The following RAPGEF1 variants were observed in gnomAD, a reference collection of about 807,000 sequenced individuals.
RAPGEF1 encodes the protein Rap guanine nucleotide exchange factor 1.
A neutral mutation model predicts 143.3 loss-of-function variants in RAPGEF1; 33 were observed. That is an observed-to-expected ratio of 0.23 (90% CI 0.17 to 0.31). The LOEUF (loss-of-function observed/expected upper bound fraction) is 0.31, where lower values mean the gene tolerates loss of function less well. Among genes scored for constraint, RAPGEF1 ranks in the 10% least tolerant of loss-of-function variants. The pLI, the probability that RAPGEF1 is intolerant of heterozygous loss-of-function variation, is 1.00. For synonymous variants in RAPGEF1, 629 were observed against 676.5 expected, an observed-to-expected ratio of 0.93 and a Z score of 1.09; for missense variants, 1,199 against 1,645.4, an observed-to-expected ratio of 0.73 and a Z score of 4.69.
At chr9:131,733,365 CGGG>C (rs56890673) in intron 1 of RAPGEF1, among the ~76,000 whole-genome samples, 1 of 75,286 alleles carries the variant, frequency 1.3e-5, no homozygotes, top group Non-Finnish European at 2.6e-5. Context: ...GGGGCGGGGG[CGGG>C]GGGGGGGGTG....
intron 4 of RAPGEF1, among the ~76,000 whole-genome samples, chr9:131,639,471 A>T (rs1003686953): frequency 3.0e-5 from 4 of 135,438 alleles, no homozygotes; most frequent in South Asian, 2.4e-4. Context: ...TGTGTGTGAG[A>T]GAGAGACCAC....
intron 3 of RAPGEF1, among the ~76,000 whole-genome samples, chr9:131,648,895 C>T (rs1032166344): frequency 4.6e-5 from 7 of 152,308 alleles, no homozygotes; most frequent in South Asian, 4.1e-4. Context: ...AAATAACAGG[C>T]TAGTGTTTAC....
At chr9:131,739,026 G>A (rs1413675147) in intron 1 of RAPGEF1, among the ~76,000 whole-genome samples, 1 of 152,204 alleles carries the variant, frequency 6.6e-6, no homozygotes. Flanking sequence ...TGCCCTGCAA[G>A]GTGCTGCAGG....
At chr9:131,601,596 T>C (rs1418997228) in intron 15 of RAPGEF1, among the ~76,000 whole-genome samples, 3 of 152,170 alleles carry the variant, frequency 2.0e-5, no homozygotes, top group South Asian at 2.1e-4. Flanking sequence ...GAGCTTGTAT[T>C]ATTTGAGAAT....
At chr9:131,689,549 T>A (rs1219948138) in intron 1 of RAPGEF1, among the ~76,000 whole-genome samples, 1 of 152,190 alleles carries the variant, frequency 6.6e-6, no homozygotes, top group Non-Finnish European at 1.5e-5. Flanking sequence ...ATTTTTTTTT[T>A]TTTTCCAGAG....
chr9:131,651,127 T>C (rs1366443551), intron 1 of RAPGEF1, among the ~76,000 whole-genome samples, 178 bp from the exon 2 acceptor site: 1 of 152,218 alleles, frequency 6.6e-6, no homozygotes, highest in Non-Finnish European at 1.5e-5. Context: ...GCTTCAATTT[T>C]TGCAATTTTC....
At chr9:131,718,825 G>A (rs993051522) in intron 1 of RAPGEF1, among the ~76,000 whole-genome samples, 1 of 152,154 alleles carries the variant, frequency 6.6e-6, no homozygotes, top group African/African-American at 2.4e-5. Context: ...TAGCTAGCTG[G>A]CTTAGTGCCA....
At chr9:131,717,174 G>T (rs1835921518) in intron 1 of RAPGEF1, among the ~76,000 whole-genome samples, 1 of 152,222 alleles carries the variant, frequency 6.6e-6, no homozygotes, top group African/African-American at 2.4e-5. Flanking sequence ...TCCAGGCTGT[G>T]ATGCCTCTGC....
intron 1 of RAPGEF1, among the ~76,000 whole-genome samples, chr9:131,716,939 G>A (rs895303197): frequency 2.6e-5 from 4 of 152,172 alleles, no homozygotes; most frequent in Middle Eastern, 3.4e-3. Flanking sequence ...GTGCATAGCC[G>A]TGCACCTGCC....
chr9:131,657,110 T>C (rs1003328443), intron 1 of RAPGEF1, among the ~76,000 whole-genome samples: 17 of 152,230 alleles, frequency 1.1e-4, no homozygotes, highest in East Asian at 3.9e-4. Flanking sequence ...CTCAAGGTCA[T>C]TCACACTATG....
intron 1 of RAPGEF1, among the ~76,000 whole-genome samples, chr9:131,713,137 G>A (rs1195278624): frequency 6.6e-6 from 1 of 151,718 alleles, no homozygotes; most frequent in East Asian, 1.9e-4. Flanking sequence ...AGAAGCAGAA[G>A]GCTGACTGCA....
At position 131,649,781 on chromosome 9, in the gene RAPGEF1, TA is replaced by T. The variant is rs549180530; in HGVS notation, c.315+347del. Among the ~76,000 whole-genome samples the T allele has an allele frequency of 1.9e-3, 285 of 152,304 alleles. 1 individual carries two copies. The highest frequency in any genetic ancestry group is 6.2e-3 in the African/African-American group (256 of 41,560). ...GAGGCTTCAGAAGCCTTTTCCCTTC[TA>T]AACTATTCAGATCATCTTAGCAATT... On this transcript the variant is annotated intron_variant, in intron 3 of 26. Coordinates refer to ENST00000683357, the MANE Select transcript of RAPGEF1 (RefSeq NM_001377935.1).
At chr9:131,682,532 G>T (rs1275610532) in intron 1 of RAPGEF1, among the ~76,000 whole-genome samples, 1 of 152,200 alleles carries the variant, frequency 6.6e-6, no homozygotes, top group Non-Finnish European at 1.5e-5. Flanking sequence ...CTAGTTTTAA[G>T]TTTAAAAGGG....
chr9:131,736,218 C>A (rs1837404566), intron 1 of RAPGEF1, among the ~76,000 whole-genome samples: 1 of 152,202 alleles, frequency 6.6e-6, no homozygotes, highest in Non-Finnish European at 1.5e-5. Context: ...CAAGCTCACC[C>A]TGGGAGCTCC....
chr9:131,714,583 T>C (rs1431548389), intron 1 of RAPGEF1, among the ~76,000 whole-genome samples: 1 of 152,090 alleles, frequency 6.6e-6, no homozygotes, highest in Non-Finnish European at 1.5e-5. Flanking sequence ...CAAGTGTGAG[T>C]TCCAGCTCAG....
chr9:131,577,801 G>T lies in RAPGEF1; in HGVS notation c.*1696C>A, dbSNP rs541033465. 1 of 152,248 alleles carries T rather than the reference G, an allele frequency of 6.6e-6. No homozygotes were observed. The highest frequency in any genetic ancestry group is 2.4e-5 in the African/African-American group (1 of 41,532). 9.4% of individuals were successfully genotyped at this position (152,248 alleles called of 1,614,324 possible). On this transcript the variant is annotated 3_prime_UTR_variant, in exon 27 of 27. Coordinates refer to ENST00000683357, the MANE Select transcript of RAPGEF1 (RefSeq NM_001377935.1). The stretch of plus-strand genomic sequence containing the variant: ...GGCTGGCCCCGCAAGACCACCGCAA[G>T]AGGGGGTCCCGCCACCAGAGGGGGT...
At chr9:131,724,162 A>T (rs1230186938) in intron 1 of RAPGEF1, among the ~76,000 whole-genome samples, 2 of 152,340 alleles carry the variant, frequency 1.3e-5, no homozygotes, top group East Asian at 3.9e-4. Flanking sequence ...ATCCTCACTC[A>T]GGTAACTCAT....
chr9:131,730,967 G>C (rs1837034608), intron 1 of RAPGEF1, among the ~76,000 whole-genome samples: 1 of 152,120 alleles, frequency 6.6e-6, no homozygotes, highest in Non-Finnish European at 1.5e-5. Flanking sequence ...GGGGTCCCTG[G>C]AAACATGAAG....
intron 1 of RAPGEF1, among the ~76,000 whole-genome samples, chr9:131,684,243 TATGTAC>T (rs1467130607): frequency 2.6e-5 from 4 of 152,242 alleles, no homozygotes; most frequent in Admixed American, 1.3e-4. Flanking sequence ...GAGACTAGCT[TATGTAC>T]ATGTATGTGT....
Sources: allele counts gnomAD v4.1 joint callset (sites outside exome capture counted in the v4.1 genomes callset), GRCh38; gene constraint gnomAD v4.1.1; transcripts MANE v1.5; gene names NCBI Gene and HGNC (gene_info 2026-07-23, HGNC 2026-07-21).